Variants in SYT1 observed in about 807,000 individuals in gnomAD.
SYT1 encodes the protein synaptotagmin 1.
SYT1 carries 8 observed loss-of-function variants against 44.8 expected under a neutral mutation model. The ratio of observed to expected loss-of-function variants is 0.18; its 90% CI spans 0.10 to 0.32. SYT1 has a LOEUF of 0.32. Among genes scored for constraint, SYT1 ranks in the 10% least tolerant of loss-of-function variants. The probability of loss-of-function intolerance (pLI) is 1.00; values close to 1 mark genes in which losing one functional copy is unlikely to be tolerated. For synonymous variants in SYT1, 154 were observed against 188.8 expected (o/e 0.82, Z 1.51); for missense variants, 286 against 509.3 (o/e 0.56, Z 4.22).
intron 1 of SYT1, among the ~76,000 whole-genome samples, chr12:78,886,059 C>T (rs902041164): frequency 4.0e-5 from 6 of 151,882 alleles, no homozygotes; most frequent in African/African-American, 1.5e-4. Context: ...TAGGGCTTAT[C>T]ATAACACTAA....
chr12:78,991,975 A>G (rs868257345), intron 2 of SYT1, among the ~76,000 whole-genome samples: 2 of 152,248 alleles, frequency 1.3e-5, no homozygotes, highest in South Asian at 4.1e-4. Context: ...AATGTAGATC[A>G]GGGGCCCTAG....
chr12:78,933,630 AAGAT>A (rs1877877589), intron 1 of SYT1, among the ~76,000 whole-genome samples: 1 of 149,954 alleles, frequency 6.7e-6, no homozygotes, highest in East Asian at 2.0e-4. Context: ...TCTCATTTAA[AAGAT>A]AGAGATATAT....
chr12:78,906,787 C>T (rs1025276236), intron 1 of SYT1, among the ~76,000 whole-genome samples: 36 of 152,056 alleles, frequency 2.4e-4, no homozygotes, highest in Admixed American at 6.6e-4. Flanking sequence ...TAGAGCACCA[C>T]GGTATCCCTA....
intron 9 of SYT1, among the ~76,000 whole-genome samples, chr12:79,372,698 C>T (rs1206048127): frequency 1.3e-5 from 2 of 152,184 alleles, no homozygotes; most frequent in Non-Finnish European, 2.9e-5. Flanking sequence ...GATTCCCCAA[C>T]AAGTAGATCT....
At chr12:78,974,437 T>G (rs1007661974) in intron 1 of SYT1, among the ~76,000 whole-genome samples, 4 of 151,970 alleles carry the variant, frequency 2.6e-5, no homozygotes, top group African/African-American at 9.7e-5. Flanking sequence ...TATTTTTATT[T>G]ATTTATCTAT....
chr12:79,434,768 A>G (rs1869991857), intron 9 of SYT1, among the ~76,000 whole-genome samples: 1 of 152,098 alleles, frequency 6.6e-6, no homozygotes, highest in Non-Finnish European at 1.5e-5. Flanking sequence ...GTTTAGGCAG[A>G]GATGGTGTTC....
At chr12:79,233,500 C>G (rs767145251) in intron 4 of SYT1, among the ~76,000 whole-genome samples, 16 of 152,202 alleles carry the variant, frequency 1.1e-4, no homozygotes, top group Non-Finnish European at 2.4e-4. Context: ...ACAGCAGTTC[C>G]TCTTTTCAGC....
intron 4 of SYT1, among the ~76,000 whole-genome samples, chr12:79,270,655 A>G (rs1024764991): frequency 7.2e-5 from 11 of 152,210 alleles, no homozygotes; most frequent in African/African-American, 2.7e-4. Context: ...AAGACAATGA[A>G]TTATGCCGTA....
chr12:79,041,865 T>C (rs2137729940), intron 2 of SYT1, among the ~76,000 whole-genome samples: 1 of 152,320 alleles, frequency 6.6e-6, no homozygotes, highest in East Asian at 1.9e-4. Flanking sequence ...AGGCTTTTTC[T>C]GCAACTATTG....
intron 4 of SYT1, among the ~76,000 whole-genome samples, chr12:79,265,888 G>A (rs187343764): frequency 6.6e-6 from 1 of 152,278 alleles, no homozygotes; most frequent in Non-Finnish European, 1.5e-5. Flanking sequence ...AAGAGGATCT[G>A]CTATGCAAAA....
In SYT1 at chr12:79,385,091, A is replaced by T. The variant is rs1352853674; in HGVS notation, c.928+31472A>T. Among the ~76,000 whole-genome samples, 6 of 146,794 alleles carry T rather than the reference A, an allele frequency of 4.1e-5. No homozygotes were observed. In the South Asian group the frequency reaches 1.3e-3, roughly 31 times the overall value. On this transcript the variant is annotated intron_variant, in intron 9 of 10. Transcript: ENST00000261205. ...AACCTCCGCCTCCTAGATTCAAGTG[A>T]TTCTCCTGCCTCAGCCTCTCTAGTA...
chr12:78,942,470 C>A (rs1390383952), intron 1 of SYT1, among the ~76,000 whole-genome samples: 1 of 152,148 alleles, frequency 6.6e-6, no homozygotes, highest in African/African-American at 2.4e-5. Flanking sequence ...CCCCAACAAC[C>A]CCAAATAATC....
chr12:79,331,196 C>G (rs770939334), intron 8 of SYT1, among the ~76,000 whole-genome samples: 12 of 152,172 alleles, frequency 7.9e-5, no homozygotes, highest in Non-Finnish European at 1.3e-4. Flanking sequence ...GCTCATTTCT[C>G]TACCTTGAAT....
At chr12:79,299,348 T>C in intron 7 of SYT1, 36 bp from the exon 8 acceptor site, 1 of 1,606,426 alleles carries the variant, frequency 6.2e-7, no homozygotes, top group Non-Finnish European at 8.5e-7. Context: ...AGCATTTTTG[T>C]GACTGGATAT....
chr12:78,882,836 T>C (rs557227358), intron 1 of SYT1, among the ~76,000 whole-genome samples: 1 of 151,848 alleles, frequency 6.6e-6, no homozygotes, highest in African/African-American at 2.4e-5. Context: ...TCCAATTGTT[T>C]TGATAATCTC....
At position 79,450,728 on chromosome 12, in the gene SYT1, A is replaced by G. The variant is rs1342728883; in HGVS notation, c.*1604A>G. ...GCACAAACAGTTCTCATTACAAAGGACCAATTCAGAACTGAAAAGCTATGC... is the reference window on the plus strand; with the variant it reads ...GCACAAACAGTTCTCATTACAAAGGGCCAATTCAGAACTGAAAAGCTATGC... On this transcript the variant is annotated 3_prime_UTR_variant, in exon 11 of 11. Transcript: ENST00000261205. 1.3e-5 allele frequency: 2 copies of G among 152,658 alleles called. No homozygotes were observed. Among genetic ancestry groups the G allele is most frequent in the African/African-American group, 4.8e-5 (2 of 41,450 alleles). The allele number at this position is 152,658 out of a possible 1,614,324, so 9.5% of individuals were successfully genotyped here.
At chr12:79,378,704 A>G (rs1884097852) in intron 9 of SYT1, among the ~76,000 whole-genome samples, 1 of 152,208 alleles carries the variant, frequency 6.6e-6, no homozygotes, top group Non-Finnish European at 1.5e-5. Flanking sequence ...ATGAGACACT[A>G]GCATTAAATT....
intron 4 of SYT1, among the ~76,000 whole-genome samples, chr12:79,277,558 A>G (rs1285612797): frequency 2.0e-5 from 3 of 152,204 alleles, no homozygotes; most frequent in Non-Finnish European, 2.9e-5. Context: ...TCACCAGTAT[A>G]AAAACACTCA....
rs886523630 is a variant in SYT1, at chr12:79,449,168, T to C, written c.*44T>C. ...CTGCATTTGCCCATATAGTGCTCTT[T>C]AGCCAGTATCTGTAAATACCTCAGT... On this transcript the variant is annotated 3_prime_UTR_variant, in exon 11 of 11. Transcript: ENST00000261205. The C allele has an allele frequency of 4.5e-6, 7 of 1,551,816 alleles. No individual in the cohort carries two copies. The highest frequency in any genetic ancestry group is 3.9e-5 in the Admixed American group (2 of 51,402).
Sources: gnomAD v4.1 joint callset for allele counts (sites outside exome capture counted in the v4.1 genomes callset) on GRCh38, gnomAD v4.1.1 for gene constraint, MANE v1.5 for transcripts, NCBI Gene and HGNC (gene_info 2026-07-23, HGNC 2026-07-21) for gene names.